Variants in ARHGAP26 observed in about 807,000 individuals in gnomAD.
The protein encoded by ARHGAP26 is Rho GTPase activating protein 26, also known as rho GTPase-activating protein 26.
Under a neutral mutation model 104.8 loss-of-function variants are expected in ARHGAP26, and 38 were observed. The ratio of observed to expected loss-of-function variants is 0.36; its 90% CI spans 0.28 to 0.48. The LOEUF is 0.48. Among genes scored for constraint, ARHGAP26 ranks in the 20% least tolerant of loss-of-function variants. The pLI, the probability that ARHGAP26 is intolerant of heterozygous loss-of-function variation, is 0.99. For synonymous variants in ARHGAP26, 341 were observed against 340.0 expected (o/e 1.00, Z -0.03); for missense variants, 704 against 947.9 (o/e 0.74, Z 3.38).
At chr5:142,881,434 G>A (rs1328252017) in intron 4 of ARHGAP26, among the ~76,000 whole-genome samples, 2 of 152,186 alleles carry the variant, frequency 1.3e-5, no homozygotes, top group Non-Finnish European at 1.5e-5. Flanking sequence ...CGGCTGGGGG[G>A]TGGTATAGAT....
intron 21 of ARHGAP26, among the ~76,000 whole-genome samples, chr5:143,208,219 A>C (rs947770111): frequency 3.3e-5 from 5 of 152,240 alleles, no homozygotes; most frequent in Non-Finnish European, 5.9e-5. Context: ...CCGGGAAAAG[A>C]ACGAATAGGG....
At chr5:143,043,671 C>G (rs1206698934) in intron 14 of ARHGAP26, among the ~76,000 whole-genome samples, 1 of 152,110 alleles carries the variant, frequency 6.6e-6, no homozygotes, top group African/African-American at 2.4e-5. Flanking sequence ...TCATTTCTGA[C>G]CAGAGCTGCA....
chr5:143,206,639 A>G (rs1030009763), intron 20 of ARHGAP26, among the ~76,000 whole-genome samples: 2 of 152,178 alleles, frequency 1.3e-5, no homozygotes, highest in African/African-American at 4.8e-5. Context: ...GTGTATCTGT[A>G]TTCACCTCCA....
intron 1 of ARHGAP26, among the ~76,000 whole-genome samples, chr5:142,801,098 G>T (rs1266343838): frequency 6.6e-6 from 1 of 152,218 alleles, no homozygotes; most frequent in African/African-American, 2.4e-5. Flanking sequence ...TGGTGGCTAT[G>T]TGGTTTTAGT....
At chr5:143,112,134 ATGG>A in intron 17 of ARHGAP26, among the ~76,000 whole-genome samples, 1 of 152,324 alleles carries the variant, frequency 6.6e-6, no homozygotes, top group South Asian at 2.1e-4. Context: ...AATTCCATGA[ATGG>A]TGGTATATTT....
chr5:143,110,029 T>C (rs191792162), intron 17 of ARHGAP26, among the ~76,000 whole-genome samples: 72 of 152,302 alleles, frequency 4.7e-4, no homozygotes, highest in South Asian at 1.5e-3. Context: ...GCCACCCAGG[T>C]ACTTACCCCG....
At chr5:142,875,272 AT>A in intron 3 of ARHGAP26, 101 bp downstream of exon 3, 1 of 1,208,280 alleles carries the variant, frequency 8.3e-7, no homozygotes, top group Non-Finnish European at 1.2e-6. Flanking sequence ...AGACTCTGCC[AT>A]TTGAATGTTT....
intron 1 of ARHGAP26, among the ~76,000 whole-genome samples, chr5:142,814,755 T>C (rs1304943481): frequency 6.6e-6 from 1 of 152,234 alleles, no homozygotes; most frequent in African/African-American, 2.4e-5. Flanking sequence ...GCCAATTATT[T>C]AACCTCTCTG....
At chr5:142,907,380 G>A (rs1761242546) in intron 8 of ARHGAP26, 1 of 165,216 alleles carries the variant, frequency 6.1e-6, no homozygotes, top group African/African-American at 2.4e-5. Context: ...GGAAACTTCA[G>A]TTGGGGCTTG....
At chr5:143,119,085 T>C (rs1162014102) in intron 17 of ARHGAP26, among the ~76,000 whole-genome samples, 1 of 151,956 alleles carries the variant, frequency 6.6e-6, no homozygotes, top group East Asian at 1.9e-4. Context: ...AGGGGAGGTG[T>C]GAGAGCTGAG....
At chr5:143,025,751 A>G (rs1381042529) in intron 12 of ARHGAP26, among the ~76,000 whole-genome samples, 2 of 152,236 alleles carry the variant, frequency 1.3e-5, no homozygotes, top group Non-Finnish European at 2.9e-5. Context: ...TATAGTCCTC[A>G]GCCTGTGCTG....
intron 11 of ARHGAP26, among the ~76,000 whole-genome samples, chr5:142,944,574 G>A (rs1045065462): frequency 6.6e-6 from 1 of 152,118 alleles, no homozygotes; most frequent in Non-Finnish European, 1.5e-5. Flanking sequence ...GTATTTATAT[G>A]TGTGTGTATC....
intron 1 of ARHGAP26, among the ~76,000 whole-genome samples, chr5:142,820,733 TC>T (rs1765996156): frequency 6.6e-6 from 1 of 152,222 alleles, no homozygotes; most frequent in Non-Finnish European, 1.5e-5. Flanking sequence ...CTTTGCATGT[TC>T]ATAAAGGCCA....
At chr5:142,796,390 A>G (rs1188587805) in intron 1 of ARHGAP26, among the ~76,000 whole-genome samples, 2 of 152,238 alleles carry the variant, frequency 1.3e-5, no homozygotes, top group Non-Finnish European at 2.9e-5. Context: ...GGGTTAGAGT[A>G]AATGATTGCT....
chr5:143,157,206 T>A (rs1599280143), intron 20 of ARHGAP26, among the ~76,000 whole-genome samples: 1 of 147,714 alleles, frequency 6.8e-6, no homozygotes, highest in African/African-American at 2.5e-5. Flanking sequence ...AGACAGAGTC[T>A]CACTCTGTCA....
chr5:143,012,576 T>TATATATATATAA (rs1554195628), intron 11 of ARHGAP26, among the ~76,000 whole-genome samples: 3 of 57,032 alleles, frequency 5.3e-5, no homozygotes, highest in African/African-American at 1.4e-4. Flanking sequence ...TATATATATA[T>TATATATATATAA]TATGATCAGG....
chr5:143,228,078 C>T lies in ARHGAP26; in HGVS notation c.*5632C>T, dbSNP rs1811801093. ...TATTGATAAACAAAATGTCAGTTAC[C>T]TGGAGCAGTCCTGGAGAGGTTAAGA... On this transcript the variant is annotated 3_prime_UTR_variant, in exon 23 of 23. Coordinates refer to ENST00000645722, the MANE Select transcript of ARHGAP26 (RefSeq NM_001135608.3). 9.0e-6 allele frequency: 2 copies of T among 222,546 alleles called. No homozygotes were observed. The highest frequency in any genetic ancestry group is 1.8e-5 in the Non-Finnish European group (2 of 111,342). The allele number at this position is 222,546 out of a possible 1,614,324, so 13.8% of individuals were successfully genotyped here.
intron 17 of ARHGAP26, among the ~76,000 whole-genome samples, chr5:143,080,674 C>A (rs193186328): frequency 8.0e-4 from 122 of 152,316 alleles, no homozygotes; most frequent in Admixed American, 5.8e-3. Flanking sequence ...CAGAGCTAAG[C>A]AGGGGCCAGA....
At chr5:142,782,315 T>A (rs1050700557) in intron 1 of ARHGAP26, among the ~76,000 whole-genome samples, 5 of 152,166 alleles carry the variant, frequency 3.3e-5, no homozygotes, top group African/African-American at 9.7e-5. Context: ...GCTACAGGTA[T>A]AGGTTTGGCT....
Sources: gnomAD v4.1 joint callset for allele counts (sites outside exome capture counted in the v4.1 genomes callset) on GRCh38, gnomAD v4.1.1 for gene constraint, MANE v1.5 for transcripts, NCBI Gene and HGNC (gene_info 2026-07-23, HGNC 2026-07-21) for gene names.